Variants in EIF3H observed in about 807,000 individuals in gnomAD.
The protein encoded by EIF3H is eIF-3-gamma.
Under a neutral mutation model 44.2 loss-of-function variants are expected in EIF3H, and 26 were observed. The ratio of observed to expected loss-of-function variants is 0.59; its 90% CI spans 0.43 to 0.82. The LOEUF is 0.82. Ranked by LOEUF, EIF3H falls within the 40% of genes least tolerant of loss-of-function variation. The pLI is 0.00. For missense variants in EIF3H, 359 were observed against 432.8 expected, an observed-to-expected ratio of 0.83 and a Z score of 1.51; for synonymous variants, 166 against 151.9, an observed-to-expected ratio of 1.09 and a Z score of -0.68.
intron 2 of EIF3H, among the ~76,000 whole-genome samples, chr8:116,675,484 C>T (rs149846478): frequency 1.3e-3 from 205 of 152,324 alleles, no homozygotes; most frequent in African/African-American, 4.8e-3. Context: ...CAGTAATGAG[C>T]GCACACACAC....
At chr8:116,678,866 G>T (rs1402930808) in intron 2 of EIF3H, among the ~76,000 whole-genome samples, 50 of 143,826 alleles carry the variant, frequency 3.5e-4, no homozygotes, top group African/African-American at 1.2e-3. Context: ...GGAGGTGGGG[G>T]GGGGTCAGCC....
At chr8:116,654,947 A>T (rs1291654981) in intron 5 of EIF3H, among the ~76,000 whole-genome samples, 1 of 152,028 alleles carries the variant, frequency 6.6e-6, no homozygotes, top group Admixed American at 6.6e-5. Flanking sequence ...GATAACTAGA[A>T]ATCTGATAAA....
At chr8:116,701,356 T>C (rs1814372947) in intron 2 of EIF3H, among the ~76,000 whole-genome samples, 1 of 152,182 alleles carries the variant, frequency 6.6e-6, no homozygotes, top group African/African-American at 2.4e-5. Context: ...ATTGATAAGA[T>C]ATAGTGTGAT....
chr8:116,727,277 A>G lies in EIF3H; in HGVS notation c.133-1105T>C, dbSNP rs1295812779. ...CCTGCTCCCGCCAAAGTGGAAACGA[A>G]GCTAAAAAAAGGCAGCAGGAAAGGA... On this transcript the variant is annotated intron_variant, in intron 1 of 7. Coordinates refer to ENST00000521861, the MANE Select transcript of EIF3H (RefSeq NM_003756.3). 2.0e-5 allele frequency among the ~76,000 whole-genome samples: 3 copies of G among 152,194 alleles called. No homozygotes were observed. The East Asian group carries it at 5.8e-4, about 29-fold the overall frequency.
chr8:116,740,340 CTG>C (rs1205554479), intron 1 of EIF3H, among the ~76,000 whole-genome samples: 2 of 152,192 alleles, frequency 1.3e-5, no homozygotes, highest in African/African-American at 2.4e-5. Flanking sequence ...TGGCATAAGA[CTG>C]TGGCAGTAGT....
intron 2 of EIF3H, among the ~76,000 whole-genome samples, chr8:116,696,184 G>A (rs1341143391): frequency 6.6e-6 from 1 of 152,148 alleles, no homozygotes; most frequent in Non-Finnish European, 1.5e-5. Flanking sequence ...GATGGGACAG[G>A]GAAGGTACAA....
intron 2 of EIF3H, among the ~76,000 whole-genome samples, chr8:116,725,321 G>A (rs1202610089): frequency 6.6e-6 from 1 of 152,168 alleles, no homozygotes; most frequent in Non-Finnish European, 1.5e-5. Context: ...TTTGAGCTTT[G>A]CAAGATGAAA....
chr8:116,728,812 C>T (rs1299761656), intron 1 of EIF3H, among the ~76,000 whole-genome samples: 1 of 152,178 alleles, frequency 6.6e-6, no homozygotes, highest in Non-Finnish European at 1.5e-5. Flanking sequence ...ATTTAATCTT[C>T]TCAAGCCTTA....
intron 2 of EIF3H, among the ~76,000 whole-genome samples, chr8:116,710,942 T>G (rs924900666): frequency 7.2e-5 from 11 of 152,244 alleles, no homozygotes; most frequent in Admixed American, 3.9e-4. Flanking sequence ...CAGAACTCAA[T>G]GTAGATTTCC....
At chr8:116,730,695 G>A (rs1020019751) in intron 1 of EIF3H, among the ~76,000 whole-genome samples, 4 of 151,910 alleles carry the variant, frequency 2.6e-5, no homozygotes, top group African/African-American at 9.7e-5. Context: ...GTTTCCCCTC[G>A]TGAATGTTCC....
chr8:116,709,962 CA>C, intron 2 of EIF3H, among the ~76,000 whole-genome samples: 1 of 152,262 alleles, frequency 6.6e-6, no homozygotes, highest in Admixed American at 6.5e-5. Context: ...TCATTTTTTA[CA>C]AAGAGCTAGT....
chr8:116,719,491 A>G (rs1342555526), intron 2 of EIF3H, among the ~76,000 whole-genome samples: 1 of 152,190 alleles, frequency 6.6e-6, no homozygotes, highest in Non-Finnish European at 1.5e-5. Context: ...AAAATGTTTG[A>G]ATGGAAAGCA....
At chr8:116,656,896 C>T (rs1813499845) in intron 4 of EIF3H, among the ~76,000 whole-genome samples, 1 of 152,154 alleles carries the variant, frequency 6.6e-6, no homozygotes, top group South Asian at 2.1e-4. Context: ...CAGTCTGACA[C>T]AGAGCTTACA....
At chr8:116,750,187 G>A in intron 1 of EIF3H, among the ~76,000 whole-genome samples, 1 of 152,280 alleles carries the variant, frequency 6.6e-6, no homozygotes. Context: ...TTTGTTAAAT[G>A]AATGAAGAAC....
intron 2 of EIF3H, among the ~76,000 whole-genome samples, chr8:116,672,597 T>C (rs1321895611): frequency 1.3e-5 from 2 of 151,376 alleles, no homozygotes; most frequent in African/African-American, 4.9e-5. Context: ...GCCACTGCAC[T>C]CCAGCCTAGT....
At chr8:116,746,174 C>A (rs575963300) in intron 1 of EIF3H, among the ~76,000 whole-genome samples, 59 of 152,212 alleles carry the variant, frequency 3.9e-4, no homozygotes, top group African/African-American at 1.4e-3. Flanking sequence ...GATTATCAAA[C>A]GTAAAGATTC....
chr8:116,743,786 ATATATATATATAAACACAC>A (rs1563659820), intron 1 of EIF3H, among the ~76,000 whole-genome samples: 5 of 91,328 alleles, frequency 5.5e-5, no homozygotes, highest in Non-Finnish European at 8.5e-5. Flanking sequence ...ATATATATAT[ATATATATATATAAACACAC>A]ACACACACAC....
At chr8:116,671,177 G>A (rs1002688246) in intron 2 of EIF3H, among the ~76,000 whole-genome samples, 1 of 152,160 alleles carries the variant, frequency 6.6e-6, no homozygotes, top group Non-Finnish European at 1.5e-5. Context: ...TCTAGGGAAG[G>A]ACTATCTTTG....
chr8:116,732,022 TAC>T (rs999115716), intron 1 of EIF3H, among the ~76,000 whole-genome samples: 4 of 152,200 alleles, frequency 2.6e-5, no homozygotes, highest in African/African-American at 7.2e-5. Flanking sequence ...TTCTGAAGTT[TAC>T]ACAGTCTCAA....
Sources: allele counts gnomAD v4.1 joint callset (sites outside exome capture counted in the v4.1 genomes callset), GRCh38; gene constraint gnomAD v4.1.1; transcripts MANE v1.5; gene names NCBI Gene and HGNC (gene_info 2026-07-23, HGNC 2026-07-21).